RBFOX1: variants seen among roughly 807,000 people sequenced by gnomAD.
RBFOX1 encodes the protein RNA binding protein fox-1 homolog 1.
Under a neutral mutation model 57.7 loss-of-function variants are expected in RBFOX1, and 8 were observed. That is an observed-to-expected ratio of 0.14 (90% CI 0.08 to 0.25). The LOEUF (loss-of-function observed/expected upper bound fraction) is 0.25, where lower values mean the gene tolerates loss of function less well. Among genes scored for constraint, RBFOX1 ranks in the 10% least tolerant of loss-of-function variants. RBFOX1 has a pLI of 1.00. For synonymous variants in RBFOX1, 326 were observed against 222.4 expected (o/e 1.47, Z -4.15); for missense variants, 611 against 548.5 (o/e 1.11, Z -1.14).
chr16:7,558,765 A>G (rs1028950979), intron 5 of RBFOX1, among the ~76,000 whole-genome samples: 1 of 152,198 alleles, frequency 6.6e-6, no homozygotes, highest in Non-Finnish European at 1.5e-5. Context: ...AGAGCATCCA[A>G]CTGCTTCTGG....
chr16:6,551,500 T>A (rs2096988573), intron 2 of RBFOX1, among the ~76,000 whole-genome samples: 1 of 152,238 alleles, frequency 6.6e-6, no homozygotes, highest in Non-Finnish European at 1.5e-5. Flanking sequence ...CAGCTATTAC[T>A]TGTAGCTATT....
At chr16:6,764,645 T>C (rs1384414711) in intron 3 of RBFOX1, among the ~76,000 whole-genome samples, 1 of 151,948 alleles carries the variant, frequency 6.6e-6, no homozygotes, top group African/African-American at 2.4e-5. Flanking sequence ...TTATTAAGAG[T>C]AAATGCATGG....
intron 4 of RBFOX1, among the ~76,000 whole-genome samples, chr16:7,168,785 A>G (rs998218296): frequency 1.3e-5 from 2 of 152,164 alleles, no homozygotes; most frequent in Non-Finnish European, 2.9e-5. Context: ...TCCAAATACA[A>G]CAATTTTGCC....
At chr16:6,352,532 A>G (rs1271363399) in intron 2 of RBFOX1, among the ~76,000 whole-genome samples, 2 of 152,174 alleles carry the variant, frequency 1.3e-5, no homozygotes, top group Non-Finnish European at 2.9e-5. Context: ...TAGCCCAGGG[A>G]ACAAAGGAGG....
At chr16:7,383,303 G>A (rs1022078239) in intron 4 of RBFOX1, among the ~76,000 whole-genome samples, 1 of 151,502 alleles carries the variant, frequency 6.6e-6, no homozygotes, top group Middle Eastern at 3.4e-3. Context: ...ACAACACTAG[G>A]CACGCATTTT....
chr16:7,120,392 T>G (rs74008926), intron 4 of RBFOX1, among the ~76,000 whole-genome samples: 12,940 of 151,974 alleles, frequency 0.085, 1,027 homozygotes, highest in African/African-American at 0.2. Flanking sequence ...TAAATCTGGC[T>G]CTTTCAAAGC....
chr16:6,371,444 C>T lies in RBFOX1; in HGVS notation c.-64+54387C>T, dbSNP rs531566593. Among the ~76,000 whole-genome samples the T allele has an allele frequency of 5.3e-5, 8 of 152,176 alleles. No homozygotes were observed. In the South Asian group the frequency reaches 1.5e-3, roughly 28 times the overall value. ...TCTATGAACTACAATCGGTTACTTTCGTTATTTGTTTTGATGCTCAAGTTG... is the reference window on the plus strand; with the variant it reads ...TCTATGAACTACAATCGGTTACTTTTGTTATTTGTTTTGATGCTCAAGTTG... On this transcript the variant is annotated intron_variant, in intron 2 of 15. Transcript: ENST00000550418.
intron 2 of RBFOX1, among the ~76,000 whole-genome samples, chr16:6,597,783 G>A (rs74007930): frequency 0.023 from 3,539 of 152,274 alleles, 134 homozygotes; most frequent in African/African-American, 0.079. Flanking sequence ...AAAGGAGCAA[G>A]CCACATAAGC....
rs1204059371 is a variant in RBFOX1, at chr16:6,667,304, A to G, written c.-16+12654A>G. On this transcript the variant is annotated intron_variant, in intron 3 of 15. Coordinates refer to ENST00000550418, the MANE Select transcript of RBFOX1 (RefSeq NM_018723.4). ...GAAAAGCACTGAGGTAGATCGGGCT[A>G]TTGGTCTCATACACCTTCAGTCACC... is the stretch of plus-strand genomic sequence containing the variant. 2.6e-5 allele frequency among the ~76,000 whole-genome samples: 4 copies of G among 152,174 alleles called. No homozygotes were observed. The East Asian group carries it at 5.8e-4, about 22-fold the overall frequency.
chr16:5,833,116 C>G (rs1298021317), intron 3 of RBFOX1, among the ~76,000 whole-genome samples: 1 of 152,146 alleles, frequency 6.6e-6, no homozygotes, highest in Non-Finnish European at 1.5e-5. Flanking sequence ...GAACCCCATA[C>G]TAGAGCCTTA....
intron 3 of RBFOX1, among the ~76,000 whole-genome samples, chr16:6,744,676 G>A (rs1184321844): frequency 6.6e-6 from 1 of 152,020 alleles, no homozygotes; most frequent in Non-Finnish European, 1.5e-5. Context: ...ATCAGATTTT[G>A]CGTAGTGTTA....
chr16:6,232,519 T>A (rs1213370466), intron 1 of RBFOX1, among the ~76,000 whole-genome samples: 3 of 152,328 alleles, frequency 2.0e-5, no homozygotes, highest in Middle Eastern at 3.4e-3. Context: ...GTGTGATCGT[T>A]TCTGCTCCAC....
At chr16:5,495,204 T>G (rs974952005) in intron 2 of RBFOX1, among the ~76,000 whole-genome samples, 1 of 152,136 alleles carries the variant, frequency 6.6e-6, no homozygotes, top group Non-Finnish European at 1.5e-5. Context: ...TGTAATGAGT[T>G]GGAAATAGAA....
rs1264910653 is a variant in RBFOX1 at position 6,317,019 on chromosome 16, A to G, written c.-102A>G. Reference sequence around the variant, plus strand: ...GGAAACTGGTCAAAGAACTCATGCAAGTGGAACTTACAGCTTCCTTGATCG... The same window carrying G: ...GGAAACTGGTCAAAGAACTCATGCAGGTGGAACTTACAGCTTCCTTGATCG... On this transcript the variant is annotated 5_prime_UTR_variant, in exon 2 of 16. Coordinates refer to ENST00000550418, the MANE Select transcript of RBFOX1 (RefSeq NM_018723.4). 7 of 1,535,618 alleles carry G rather than the reference A, an allele frequency of 4.6e-6. No homozygotes were observed. Among genetic ancestry groups the G allele is most frequent in the Non-Finnish European group, 6.1e-6 (7 of 1,146,560 alleles).
intron 4 of RBFOX1, among the ~76,000 whole-genome samples, chr16:7,178,506 T>C (rs376959935): frequency 3.3e-5 from 5 of 152,226 alleles, no homozygotes; most frequent in African/African-American, 1.2e-4. Context: ...GATTGACTGA[T>C]AATCATTACT....
rs552757641 is a variant in RBFOX1 at position 6,126,227 on chromosome 16, A to G, written c.-127+106235A>G. 3.9e-5 allele frequency among the ~76,000 whole-genome samples: 6 copies of G among 152,330 alleles called. No individual in the cohort carries two copies. In the South Asian group the frequency reaches 1.2e-3, roughly 32 times the overall value. On this transcript the variant is annotated intron_variant, in intron 1 of 15. Transcript: ENST00000550418. ...TTCACCCACAAACTAGAGCAACTTC[A>G]TTCAAAATTTCAGATAGTCAAGAGC...
chr16:7,339,688 C>T (rs951543220), intron 4 of RBFOX1, among the ~76,000 whole-genome samples: 4 of 152,186 alleles, frequency 2.6e-5, no homozygotes, highest in African/African-American at 9.7e-5. Context: ...GATCCGCCCA[C>T]TTCAGCCTCC....
intron 3 of RBFOX1, among the ~76,000 whole-genome samples, chr16:7,026,002 G>A (rs920894111): frequency 6.6e-6 from 1 of 152,174 alleles, no homozygotes; most frequent in African/African-American, 2.4e-5. Context: ...GTCATACTGG[G>A]TTTGGGATCA....
intron 1 of RBFOX1, among the ~76,000 whole-genome samples, chr16:5,367,815 C>G (rs978888771): frequency 2.0e-5 from 3 of 152,170 alleles, no homozygotes; most frequent in Admixed American, 6.5e-5. Context: ...ACACAGTAGA[C>G]TCTTAAACCT....
Sources: gnomAD v4.1 joint callset for allele counts (sites outside exome capture counted in the v4.1 genomes callset) on GRCh38, gnomAD v4.1.1 for gene constraint, MANE v1.5 for transcripts, NCBI Gene and HGNC (gene_info 2026-07-23, HGNC 2026-07-21) for gene names.